PCLO: variants seen among roughly 807,000 people sequenced by gnomAD.
PCLO encodes the protein protein piccolo.
PCLO carries 82 observed loss-of-function variants against 427.5 expected under a neutral mutation model. The ratio of observed to expected loss-of-function variants is 0.19; its 90% CI spans 0.16 to 0.23. PCLO has a LOEUF of 0.23. PCLO is among the 10% of genes least tolerant of loss of function. PCLO has a pLI of 1.00. For missense variants in PCLO, 6,239 were observed against 6,115.9 expected, an observed-to-expected ratio of 1.02 and a Z score of -0.67; for synonymous variants, 2,357 against 2,155.4, an observed-to-expected ratio of 1.09 and a Z score of -2.59.
At chr7:82,917,976 G>A (rs1426808298) in intron 6 of PCLO, among the ~76,000 whole-genome samples, 1 of 151,294 alleles carries the variant, frequency 6.6e-6, no homozygotes, top group Admixed American at 6.6e-5. Flanking sequence ...TTTGTTTTCT[G>A]TTATCATATT....
chr7:83,135,500 G>A lies in PCLO; in HGVS notation c.2050C>T (p.Pro684Ser), dbSNP rs1164892909. Residue 684 changes from proline (P) to serine (S), a missense_variant, in exon 3 of 25, where the codon CCA (proline) becomes TCA (serine). Transcript: ENST00000333891. The part of the protein sequence containing the change: ...KSSPQPQQTS[P>S]KKDAAPKQDL... Reference sequence around the variant, plus strand: ...TGTTTTGGTGCAGCATCCTTCTTTGGGGAAGTCTGCTGTGGCTGTGGGGAT... The same window carrying A: ...TGTTTTGGTGCAGCATCCTTCTTTGAGGAAGTCTGCTGTGGCTGTGGGGAT... 1 of 1,613,446 alleles carries A rather than the reference G, an allele frequency of 6.2e-7. No homozygotes were observed. The highest frequency in any genetic ancestry group is 8.5e-7 in the Non-Finnish European group (1 of 1,179,826).
chr7:82,990,458 A>G (rs1324480603), intron 3 of PCLO, among the ~76,000 whole-genome samples: 1 of 152,124 alleles, frequency 6.6e-6, no homozygotes, highest in Non-Finnish European at 1.5e-5. Context: ...GATCTTGTAT[A>G]TAGTGGGACC....
At chr7:82,791,178 G>T (rs1441117089) in intron 22 of PCLO, among the ~76,000 whole-genome samples, 1 of 151,896 alleles carries the variant, frequency 6.6e-6, no homozygotes, top group Non-Finnish European at 1.5e-5. Context: ...GCAAATAAAT[G>T]AAAGTTGTGT....
At chr7:82,828,053 C>G (rs548362033) in intron 16 of PCLO, 87 bp from the exon 17 acceptor site, 2 of 722,450 alleles carry the variant, frequency 2.8e-6, no homozygotes, top group African/African-American at 3.6e-5. Context: ...GCAGACTATT[C>G]AAGATATTTT....
chr7:83,119,312 C>T (rs146455717), intron 3 of PCLO, among the ~76,000 whole-genome samples: 2 of 152,170 alleles, frequency 1.3e-5, no homozygotes, highest in African/African-American at 4.8e-5. Flanking sequence ...TGCAGCCCAG[C>T]ACAGAGAGAG....
At chr7:82,910,195 A>T (rs1264036439) in intron 7 of PCLO, among the ~76,000 whole-genome samples, 1 of 151,648 alleles carries the variant, frequency 6.6e-6, no homozygotes, top group African/African-American at 2.4e-5. Flanking sequence ...CTTTCTTGAA[A>T]CTCCAGCTTC....
In PCLO at chr7:82,956,192, GCTA is replaced by G; in HGVS notation, c.4758_4760del (p.Ser1588del). 6.2e-7 allele frequency: 1 copy of G among 1,609,484 alleles called. No individual in the cohort carries two copies. Among genetic ancestry groups the G allele is most frequent in the Non-Finnish European group, 8.5e-7 (1 of 1,179,806 alleles). Reference sequence around the variant, plus strand: ...CTTCCTTCTTCTGGCTCTCAGTACTGCTACTAATCTCTTTGAGCTGGTTTCTGA... The same window carrying G: ...CTTCCTTCTTCTGGCTCTCAGTACTGCTAATCTCTTTGAGCTGGTTTCTGA... On this transcript the variant is annotated inframe_deletion, in exon 5 of 25. Transcript: ENST00000333891.
chr7:82,965,688 A>T, intron 4 of PCLO, 83 bp downstream of exon 4: 1 of 830,142 alleles, frequency 1.2e-6, no homozygotes, highest in Non-Finnish European at 1.9e-6. Flanking sequence ...TTATATAATT[A>T]CCATTGAGCA....
intron 22 of PCLO, among the ~76,000 whole-genome samples, chr7:82,792,990 CTTAAG>C (rs146561260): frequency 0.073 from 10,674 of 146,416 alleles, 539 homozygotes; most frequent in African/African-American, 0.15. Flanking sequence ...TCTTTTTTTC[CTTAAG>C]TTATTAATTG....
chr7:82,884,183 A>G (rs534755811), intron 9 of PCLO, among the ~76,000 whole-genome samples: 1 of 152,314 alleles, frequency 6.6e-6, no homozygotes, highest in East Asian at 1.9e-4. Context: ...AATCTAAATA[A>G]TATTAATATT....
chr7:83,008,976 T>C (rs763353281), intron 3 of PCLO, among the ~76,000 whole-genome samples: 4 of 151,630 alleles, frequency 2.6e-5, no homozygotes, highest in Middle Eastern at 3.4e-3. Context: ...TCCTGAGACA[T>C]TTATATAAAG....
chr7:83,144,615 T>G (rs151243633), intron 2 of PCLO, among the ~76,000 whole-genome samples: 1 of 152,290 alleles, frequency 6.6e-6, no homozygotes, highest in Admixed American at 6.5e-5. Context: ...ATTTTAAAAT[T>G]ATGATTAATC....
chr7:83,045,755 C>T (rs1264411322), intron 3 of PCLO, among the ~76,000 whole-genome samples: 3 of 152,026 alleles, frequency 2.0e-5, no homozygotes, highest in African/African-American at 7.2e-5. Flanking sequence ...TTCTTTGGCT[C>T]ATTCACCAAA....
At chr7:82,828,135 A>G (rs1054725431) in intron 16 of PCLO, among the ~76,000 whole-genome samples, 169 bp from the exon 17 acceptor site, 2 of 152,006 alleles carry the variant, frequency 1.3e-5, no homozygotes, top group Non-Finnish European at 2.9e-5. Context: ...ATGCACAGTG[A>G]CAATTTAAAA....
At chr7:82,965,747 A>G in intron 4 of PCLO, 24 bp downstream of exon 4, 1 of 1,494,774 alleles carries the variant, frequency 6.7e-7, no homozygotes. Flanking sequence ...TGAGAGTGTG[A>G]GAAGTTAGTA....
At chr7:82,931,865 C>T (rs1334536604) in intron 6 of PCLO, among the ~76,000 whole-genome samples, 1 of 151,976 alleles carries the variant, frequency 6.6e-6, no homozygotes, top group Non-Finnish European at 1.5e-5. Flanking sequence ...GGCATAAATA[C>T]AAGGATATAA....
chr7:82,816,697 A>G (rs1288238733), intron 20 of PCLO, among the ~76,000 whole-genome samples: 1 of 152,130 alleles, frequency 6.6e-6, no homozygotes, highest in Non-Finnish European at 1.5e-5. Context: ...TGACTAAGGC[A>G]TAACAATTTT....
chr7:83,047,184 T>G (rs1447410318), intron 3 of PCLO, among the ~76,000 whole-genome samples: 5 of 152,030 alleles, frequency 3.3e-5, no homozygotes, highest in Admixed American at 1.3e-4. Context: ...CCACCACCAC[T>G]CCTTTGGAAA....
intron 3 of PCLO, among the ~76,000 whole-genome samples, chr7:82,978,706 C>T (rs891601850): frequency 4.6e-5 from 7 of 151,920 alleles, no homozygotes; most frequent in Non-Finnish European, 1.0e-4. Flanking sequence ...AAATCAGAAT[C>T]AGGAATAGAG....
Sources: allele counts gnomAD v4.1 joint callset (sites outside exome capture counted in the v4.1 genomes callset), GRCh38; gene constraint gnomAD v4.1.1; transcripts MANE v1.5; gene names NCBI Gene and HGNC (gene_info 2026-07-23, HGNC 2026-07-21).